The following B4GALT1 variants were observed in gnomAD, a reference collection of about 807,000 sequenced individuals.
The protein encoded by B4GALT1 is beta-1,4-galactosyltransferase 1.
In B4GALT1, 16 loss-of-function variants were observed where a neutral mutation model predicts 34.9. The observed-to-expected ratio is 0.46, with a 90% CI of 0.31 to 0.70. The LOEUF (loss-of-function observed/expected upper bound fraction) is 0.70, where lower values mean the gene tolerates loss of function less well. Ranked by LOEUF, B4GALT1 falls within the 30% of genes least tolerant of loss-of-function variation. The probability of loss-of-function intolerance (pLI) is 0.05; values close to 1 mark genes in which losing one functional copy is unlikely to be tolerated. For synonymous variants in B4GALT1, 221 were observed against 218.1 expected, an observed-to-expected ratio of 1.01 and a Z score of -0.12; for missense variants, 445 against 530.5, an observed-to-expected ratio of 0.84 and a Z score of 1.58.
rs545128821 is a variant in B4GALT1 at position 33,130,723 on chromosome 9, C to T, written c.648+4466G>A. ...CCTATTTTGAAGAGGCTTATAGGCC[C>T]GGGATGGCCTCTGAGATTCTGCCAC... On this transcript the variant is annotated intron_variant, in intron 2 of 5. Transcript: ENST00000379731. Among the ~76,000 whole-genome samples the T allele has an allele frequency of 9.6e-4, 146 of 151,710 alleles. 5 individuals carry two copies. In the South Asian group the frequency reaches 0.028, roughly 29 times the overall value.
chr9:33,179,610 C>G, the B4GALT1 span: 2 of 152,208 alleles, frequency 1.3e-5, no homozygotes, highest in Admixed American at 6.5e-5. Flanking sequence ...TACAGTGGTG[C>G]AAAAGCAATA....
intron 1 of B4GALT1, among the ~76,000 whole-genome samples, chr9:33,154,164 G>A (rs1035461917): frequency 6.6e-6 from 1 of 151,878 alleles, no homozygotes; most frequent in Admixed American, 6.6e-5. Flanking sequence ...TGACCAAGTG[G>A]GATTTATCCC....
downstream of B4GALT1, among the ~76,000 whole-genome samples, chr9:33,107,356 C>T (rs1039495873): frequency 6.6e-6 from 1 of 152,158 alleles, no homozygotes; most frequent in Admixed American, 6.5e-5. Flanking sequence ...AGGGAAGGAG[C>T]CTGGATATGT....
At chr9:33,178,917 C>T in the B4GALT1 span, 1 of 152,160 alleles carries the variant, frequency 6.6e-6, no homozygotes, top group Non-Finnish European at 1.5e-5. Context: ...TTGGCGGGGA[C>T]AGCTCTGCTT....
chr9:33,178,152 C>G, the B4GALT1 span, among the ~76,000 whole-genome samples: 7 of 151,856 alleles, frequency 4.6e-5, no homozygotes, highest in Admixed American at 4.6e-4. Context: ...CCACCATTCC[C>G]AGCTAATTTT....
At chr9:33,144,211 T>G (rs1208171670) in intron 1 of B4GALT1, among the ~76,000 whole-genome samples, 1 of 151,740 alleles carries the variant, frequency 6.6e-6, no homozygotes, top group Non-Finnish European at 1.5e-5. Context: ...CTCTTCCTCT[T>G]AATTTTCTAA....
upstream of B4GALT1, among the ~76,000 whole-genome samples, chr9:33,168,938 C>T (rs1453085394): frequency 6.6e-6 from 1 of 152,180 alleles, no homozygotes; most frequent in Non-Finnish European, 1.5e-5. Context: ...TATTCAGTTC[C>T]CCAGAATCTA....
At chr9:33,161,494 G>A (rs954721653) in intron 1 of B4GALT1, among the ~76,000 whole-genome samples, 1 of 152,096 alleles carries the variant, frequency 6.6e-6, no homozygotes, top group Non-Finnish European at 1.5e-5. Context: ...AATCTTAATC[G>A]CAGTCTGGCT....
chr9:33,175,624 G>T, the B4GALT1 span, among the ~76,000 whole-genome samples: 1 of 152,118 alleles, frequency 6.6e-6, no homozygotes, highest in African/African-American at 2.4e-5. Context: ...ATTTTACAGT[G>T]TATTATTACT....
chr9:33,149,342 G>A (rs113197944), intron 1 of B4GALT1, among the ~76,000 whole-genome samples: 3,507 of 151,712 alleles, frequency 0.023, 60 homozygotes, highest in Middle Eastern at 0.061. Flanking sequence ...GTGCAGTGGC[G>A]TGATTTCAGC....
chr9:33,157,162 G>T (rs1277139531), intron 1 of B4GALT1, among the ~76,000 whole-genome samples: 1 of 76,560 alleles, frequency 1.3e-5, no homozygotes, highest in South Asian at 4.1e-4. Flanking sequence ...ACACACACTG[G>T]CTGGAAGTGT....
upstream of B4GALT1, among the ~76,000 whole-genome samples, chr9:33,170,613 A>T (rs1244336870): frequency 2.0e-5 from 3 of 152,228 alleles, no homozygotes; most frequent in African/African-American, 7.2e-5. Flanking sequence ...AGGAAAAGGA[A>T]CAACACTTGC....
exon 3 of B4GALT1, chr9:33,104,610 C>A: frequency 2.7e-6 from 1 of 376,050 alleles, no homozygotes; most frequent in Non-Finnish European, 5.2e-6. Flanking sequence ...AGCAACCAGG[C>A]TGAGTCCTTA....
intron 1 of B4GALT1, among the ~76,000 whole-genome samples, chr9:33,142,861 T>C (rs927994768): frequency 1.3e-5 from 2 of 151,962 alleles, no homozygotes; most frequent in African/African-American, 2.4e-5. Context: ...TGAAAAAAAA[T>C]AGGCCAGGTG....
upstream of B4GALT1, among the ~76,000 whole-genome samples, chr9:33,171,613 G>T (rs915250382): frequency 2.6e-5 from 4 of 151,950 alleles, no homozygotes; most frequent in African/African-American, 9.7e-5. Flanking sequence ...GTAGTGCAGT[G>T]GTGTGATCAT....
downstream of B4GALT1, among the ~76,000 whole-genome samples, chr9:33,106,340 G>C (rs905454807): frequency 6.6e-6 from 1 of 152,196 alleles, no homozygotes; most frequent in South Asian, 2.1e-4. Flanking sequence ...TAGGGAGTTT[G>C]CTCCCACGCT....
chr9:33,106,563 G>A (rs934530927), downstream of B4GALT1, among the ~76,000 whole-genome samples: 6 of 152,180 alleles, frequency 3.9e-5, no homozygotes, highest in South Asian at 2.1e-4. Context: ...GCAATGGAGC[G>A]TGGATGGCAT....
chr9:33,162,030 T>C (rs1840682447), intron 1 of B4GALT1, among the ~76,000 whole-genome samples: 1 of 152,198 alleles, frequency 6.6e-6, no homozygotes, highest in Admixed American at 6.5e-5. Context: ...TGCCTTGCTA[T>C]TAACTGCCCC....
At chr9:33,134,248 A>C (rs953091527) in intron 2 of B4GALT1, among the ~76,000 whole-genome samples, 3 of 152,232 alleles carry the variant, frequency 2.0e-5, no homozygotes, top group African/African-American at 7.2e-5. Context: ...TGGAAGCCGT[A>C]AACTGCCAAC....
Sources: allele counts gnomAD v4.1 joint callset (sites outside exome capture counted in the v4.1 genomes callset), GRCh38; gene constraint gnomAD v4.1.1; transcripts MANE v1.5; gene names NCBI Gene and HGNC (gene_info 2026-07-23, HGNC 2026-07-21).